SCN11A: variants seen among roughly 807,000 people sequenced by gnomAD.
SCN11A encodes the protein sodium channel protein type 11 subunit alpha.
SCN11A carries 122 observed loss-of-function variants against 162.2 expected under a neutral mutation model. That is an observed-to-expected ratio of 0.75 (90% CI 0.65 to 0.87). The LOEUF (loss-of-function observed/expected upper bound fraction) is 0.87. Ranked by LOEUF, SCN11A falls within the 40% of genes least tolerant of loss-of-function variation. The pLI is 0.00. For missense variants in SCN11A, 2,015 were observed against 2,181.6 expected (o/e 0.92, Z 1.52); for synonymous variants, 758 against 751.5 (o/e 1.01, Z -0.14).
Position 38,850,621 on chromosome 3 carries a change from G to C in SCN11A, c.4187C>G (p.Ser1396Cys). 1 of 1,613,978 alleles carries C rather than the reference G, an allele frequency of 6.2e-7. No individual in the cohort carries two copies. Among genetic ancestry groups the C allele is most frequent in the Non-Finnish European group, 8.5e-7 (1 of 1,179,908 alleles). ...GACCCAGTTGAGATGGTCAAGGATG[G>C]ATTTCATGGCTTTGGGTTGGTTGTA... ...ESYNQPKAMK[S>C]ILDHLNWVFV... The change falls in exon 29 of 30, where the codon TCC becomes TGC. Residue 1396 changes from serine to cysteine, a missense_variant. Physicochemically the swap from Ser to Cys is moderately radical, Grantham distance 112 (BLOSUM62 -1). Coordinates refer to ENST00000302328, the MANE Select transcript of SCN11A (RefSeq NM_001349253.2).
At chr3:38,855,814 C>T (rs2064859390) in intron 28 of SCN11A, among the ~76,000 whole-genome samples, 1 of 152,208 alleles carries the variant, frequency 6.6e-6, no homozygotes, top group Admixed American at 6.5e-5. Context: ...GAGTCTACTT[C>T]ACTCTCCTGC....
intron 8 of SCN11A, 68 bp from the exon 9 acceptor site, chr3:38,925,577 A>C: frequency 8.9e-7 from 1 of 1,118,736 alleles, no homozygotes; most frequent in Non-Finnish European, 1.4e-6. Context: ...CATCTCCACA[A>C]AAGCCACAAG....
At chr3:39,001,994 G>A (rs2030829306) in intron 2 of SCN11A, among the ~76,000 whole-genome samples, 2 of 151,718 alleles carry the variant, frequency 1.3e-5, no homozygotes, top group South Asian at 2.1e-4. Flanking sequence ...CCTAGATGAC[G>A]CCACTGCACT....
chr3:39,048,897 T>C (rs2032252079), intron 1 of SCN11A, among the ~76,000 whole-genome samples: 1 of 152,232 alleles, frequency 6.6e-6, no homozygotes, highest in South Asian at 2.1e-4. Context: ...CAGCTTTGGC[T>C]AAGGACTAGG....
intron 11 of SCN11A, among the ~76,000 whole-genome samples, chr3:38,917,968 T>C (rs938648964): frequency 6.6e-6 from 1 of 152,218 alleles, no homozygotes; most frequent in African/African-American, 2.4e-5. Flanking sequence ...GCCTCTCTAC[T>C]TTCCCCACCA....
chr3:38,978,587 G>A (rs750503348), intron 2 of SCN11A, among the ~76,000 whole-genome samples: 2 of 152,014 alleles, frequency 1.3e-5, no homozygotes, highest in South Asian at 2.1e-4. Context: ...CAGAGGTTGC[G>A]GTGAACCGAG....
intron 2 of SCN11A, among the ~76,000 whole-genome samples, chr3:38,985,410 G>A (rs984517901): frequency 4.6e-5 from 7 of 150,670 alleles, no homozygotes; most frequent in African/African-American, 1.2e-4. Flanking sequence ...GATTACAGGC[G>A]TGAGCCACCG....
chr3:38,894,981 T>C lies in SCN11A; in HGVS notation c.2404-17A>G, dbSNP rs1177378892. 1.9e-6 allele frequency: 3 copies of C among 1,567,758 alleles called. No homozygotes were observed. The highest frequency in any genetic ancestry group is 2.6e-6 in the Non-Finnish European group (3 of 1,157,356). ...GTTGAGCACCTGGGAATGGGGTGGG[T>C]AGCAAGAAGAAAGGAAAGTTTAGCA... On this transcript the variant is annotated splice_polypyrimidine_tract_variant and intron_variant, in intron 18 of 29. Coordinates refer to ENST00000302328, the MANE Select transcript of SCN11A (RefSeq NM_001349253.2).
chr3:38,857,353 T>G (rs2064886743), intron 28 of SCN11A, among the ~76,000 whole-genome samples: 1 of 151,952 alleles, frequency 6.6e-6, no homozygotes, highest in Admixed American at 6.6e-5. Context: ...CCTACGGAAA[T>G]GCAAAGTGCC....
rs1055160429 is a variant in SCN11A at position 38,894,949 on chromosome 3, T to C, written c.2419A>G (p.Ile807Val). 16 of 1,608,254 alleles carry C rather than the reference T, an allele frequency of 9.9e-6. No individual in the cohort carries two copies. Among genetic ancestry groups the C allele is most frequent in the East Asian group, 2.2e-5 (1 of 44,778 alleles). Reference protein sequence around the residue: ...IGKLVVLNLFIALLLNSFSNE... With the variant: ...IGKLVVLNLFVALLLNSFSNE... ...CTAAAGGAATTGAGCAGTAAGGCAATGAAGAGGTTGAGCACCTGGGAATGG... is the reference window on the plus strand; with the variant it reads ...CTAAAGGAATTGAGCAGTAAGGCAACGAAGAGGTTGAGCACCTGGGAATGG... The change falls in exon 19 of 30, where the codon ATT becomes GTT. Residue 807 changes from isoleucine to valine, a missense_variant. Ile to Val is a conservative substitution (Grantham distance 29, BLOSUM62 3). Coordinates refer to ENST00000302328, the MANE Select transcript of SCN11A (RefSeq NM_001349253.2).
chr3:38,865,845 A>C (rs1235584647), intron 27 of SCN11A, among the ~76,000 whole-genome samples: 2 of 152,172 alleles, frequency 1.3e-5, no homozygotes, highest in African/African-American at 4.8e-5. Context: ...TGATCAAATA[A>C]ATAAATATAA....
chr3:38,925,316 G>T, intron 9 of SCN11A, 99 bp downstream of exon 9: 2 of 766,142 alleles, frequency 2.6e-6, no homozygotes, highest in Non-Finnish European at 4.3e-6. Flanking sequence ...AGCAGGCTTT[G>T]TTTGTTTTTG....
chr3:39,048,981 G>T (rs1235221819), intron 1 of SCN11A, among the ~76,000 whole-genome samples: 1 of 152,224 alleles, frequency 6.6e-6, no homozygotes, highest in East Asian at 1.9e-4. Context: ...TCTTTTAGCT[G>T]CCCCAGCTGA....
chr3:38,854,503 C>T (rs1279447096), intron 28 of SCN11A, among the ~76,000 whole-genome samples: 12 of 152,188 alleles, frequency 7.9e-5, no homozygotes, highest in Admixed American at 7.2e-4. Context: ...ACGTGCATCT[C>T]GCACTTGGAT....
chr3:39,029,738 T>C (rs1318183753), intron 2 of SCN11A, among the ~76,000 whole-genome samples: 1 of 152,234 alleles, frequency 6.6e-6, no homozygotes, highest in Non-Finnish European at 1.5e-5. Context: ...ACAGTCACCA[T>C]GGCAACTGCC....
intron 4 of SCN11A, 76 bp from the exon 5 acceptor site, chr3:38,950,445 C>A: frequency 6.9e-7 from 1 of 1,459,396 alleles, no homozygotes; most frequent in Non-Finnish European, 9.5e-7. Context: ...CCTAGGATTC[C>A]AGTCTTAAAG....
At chr3:38,962,305 C>A (rs2066746646) in intron 2 of SCN11A, among the ~76,000 whole-genome samples, 1 of 152,112 alleles carries the variant, frequency 6.6e-6, no homozygotes, top group Non-Finnish European at 1.5e-5. Context: ...TAGTGTGACG[C>A]CTCCAGATTT....
intron 21 of SCN11A, 39 bp downstream of exon 21, chr3:38,885,249 A>G: frequency 8.6e-7 from 1 of 1,160,526 alleles, no homozygotes; most frequent in Non-Finnish European, 1.3e-6. Context: ...ACCCCATCCA[A>G]AGATTCTGTG....
chr3:38,866,431 G>A (rs1372496631), intron 27 of SCN11A, among the ~76,000 whole-genome samples: 1 of 152,140 alleles, frequency 6.6e-6, no homozygotes, highest in African/African-American at 2.4e-5. Context: ...TGTTGGCCAG[G>A]CTGGTCTCGA....
Sources: allele counts gnomAD v4.1 joint callset (sites outside exome capture counted in the v4.1 genomes callset), GRCh38; gene constraint gnomAD v4.1.1; transcripts MANE v1.5; gene names NCBI Gene and HGNC (gene_info 2026-07-23, HGNC 2026-07-21).